Variants in IGSF10 observed in about 807,000 individuals in gnomAD.
IGSF10 encodes the protein immunoglobulin superfamily member 10.
Under a neutral mutation model 128.2 loss-of-function variants are expected in IGSF10, and 126 were observed. That is an observed-to-expected ratio of 0.98 (90% CI 0.85 to 1.14). The LOEUF (loss-of-function observed/expected upper bound fraction) is 1.14, where lower values mean the gene tolerates loss of function less well. Among genes scored for constraint, IGSF10 ranks in the 50% most tolerant of loss-of-function variants. The probability of loss-of-function intolerance (pLI) is 0.00; values close to 1 mark genes in which losing one functional copy is unlikely to be tolerated. For missense variants in IGSF10, 3,295 were observed against 3,149.8 expected (o/e 1.05, Z -1.10); for synonymous variants, 1,185 against 1,146.2 (o/e 1.03, Z -0.68).
At chr3:151,550,613 CT>C in the IGSF10 span, among the ~76,000 whole-genome samples, 1 of 151,966 alleles carries the variant, frequency 6.6e-6, no homozygotes, top group Non-Finnish European at 1.5e-5. Flanking sequence ...CCAACTAGAT[CT>C]TTTTTTTAGG....
rs762486476 is a variant in IGSF10 at position 151,445,188 on chromosome 3, G to A, written c.4793C>T (p.Thr1598Ile). The change falls in exon 6 of 8, where the codon ACA (threonine) becomes ATA (isoleucine). Residue 1598 changes from threonine (T) to isoleucine (I), a missense_variant. Coordinates refer to ENST00000282466, the MANE Select transcript of IGSF10 (RefSeq NM_178822.5). ...KKPEVSMLAT[T>I]GLSEATTLVS... ...AAGAGTGGTGGCCTCGGACAGGCCTGTAGTAGCCAACATGCTTACTTCTGG... is the reference window on the plus strand; with the variant it reads ...AAGAGTGGTGGCCTCGGACAGGCCTATAGTAGCCAACATGCTTACTTCTGG... The A allele has an allele frequency of 3.1e-6, 5 of 1,614,264 alleles. No homozygotes were observed. The highest frequency in any genetic ancestry group is 4.2e-6 in the Non-Finnish European group (5 of 1,180,048).
Position 151,445,620 on chromosome 3 carries a change from T to C in IGSF10, c.4361A>G (p.Lys1454Arg). The change falls in exon 6 of 8, where the codon AAA (lysine) becomes AGA (arginine). Residue 1454 changes from lysine (K) to arginine (R), a missense_variant. Coordinates refer to ENST00000282466, the MANE Select transcript of IGSF10 (RefSeq NM_178822.5). ...SKSHQSTTTR[K>R]AIIRHSTIPP... ...TATGGTTGAGTGTCTAATGATTGCT[T>C]TCCTAGTTGTGGTACTCTGGTGTGA... is the stretch of plus-strand genomic sequence containing the variant. 6.2e-7 allele frequency: 1 copy of C among 1,614,236 alleles called. No homozygotes were observed. The highest frequency in any genetic ancestry group is 8.5e-7 in the Non-Finnish European group (1 of 1,180,042).
the IGSF10 span, among the ~76,000 whole-genome samples, chr3:151,546,444 C>A: frequency 7.2e-5 from 11 of 152,034 alleles, no homozygotes; most frequent in Non-Finnish European, 1.6e-4. Flanking sequence ...ACCCTCAGGG[C>A]TCAAGCGATC....
chr3:151,535,706 G>T, the IGSF10 span, among the ~76,000 whole-genome samples: 1 of 152,130 alleles, frequency 6.6e-6, no homozygotes, highest in African/African-American at 2.4e-5. Context: ...AATAGTGCAA[G>T]TCAGGAAATC....
chr3:151,533,642 C>A, the IGSF10 span, among the ~76,000 whole-genome samples: 1 of 152,106 alleles, frequency 6.6e-6, no homozygotes, highest in Non-Finnish European at 1.5e-5. Flanking sequence ...ACACCTTATA[C>A]AAAAATTAAC....
the IGSF10 span, among the ~76,000 whole-genome samples, chr3:151,476,676 C>A: frequency 6.6e-6 from 1 of 152,176 alleles, no homozygotes; most frequent in African/African-American, 2.4e-5. Flanking sequence ...CAGGGAGAAT[C>A]TTACACTCAC....
chr3:151,596,633 G>A, the IGSF10 span, among the ~76,000 whole-genome samples: 3 of 152,046 alleles, frequency 2.0e-5, no homozygotes, highest in African/African-American at 4.8e-5. Flanking sequence ...AATCCCTAAG[G>A]TATCTTGTAA....
chr3:151,468,352 G>C, the IGSF10 span, among the ~76,000 whole-genome samples: 1 of 152,130 alleles, frequency 6.6e-6, no homozygotes, highest in Non-Finnish European at 1.5e-5. Flanking sequence ...AATCACAACC[G>C]AGAGATCCTA....
chr3:151,558,024 T>TATTATATATAATAG, the IGSF10 span, among the ~76,000 whole-genome samples: 1 of 31,044 alleles, frequency 3.2e-5, no homozygotes, highest in Admixed American at 4.9e-4. Flanking sequence ...ATATAATATA[T>TATTATATATAATAG]ATATTGGTAC....
the IGSF10 span, among the ~76,000 whole-genome samples, chr3:151,517,701 T>C: frequency 0.52 from 78,836 of 151,706 alleles, 21,178 homozygotes; most frequent in East Asian, 0.73. Flanking sequence ...TAAACAAAGT[T>C]ATGGGAGGCC....
At chr3:151,457,281 A>G in intron 3 of IGSF10, 126 bp from the exon 4 acceptor site, 1 of 879,320 alleles carries the variant, frequency 1.1e-6, no homozygotes, top group Admixed American at 2.8e-5. Flanking sequence ...TGAGACAATC[A>G]AATGCTTCAA....
At chr3:151,614,786 C>T in the IGSF10 span, among the ~76,000 whole-genome samples, 1 of 150,346 alleles carries the variant, frequency 6.7e-6, no homozygotes, top group East Asian at 2.0e-4. Flanking sequence ...CAAACCTGCA[C>T]GTTGTGCACA....
chr3:151,440,267 C>T (rs935059971), intron 7 of IGSF10, among the ~76,000 whole-genome samples: 2 of 152,110 alleles, frequency 1.3e-5, no homozygotes, highest in East Asian at 1.9e-4. Flanking sequence ...TGGGTTCCAG[C>T]GATCCTCCCG....
At chr3:151,536,484 C>A in the IGSF10 span, among the ~76,000 whole-genome samples, 246 of 152,222 alleles carry the variant, frequency 1.6e-3, no homozygotes, top group African/African-American at 5.9e-3. Context: ...AATTGAGCAT[C>A]CTGTATTTTA....
the IGSF10 span, among the ~76,000 whole-genome samples, chr3:151,605,567 A>G: frequency 2.0e-5 from 3 of 152,344 alleles, no homozygotes; most frequent in South Asian, 6.2e-4. Context: ...TAATTTAAAC[A>G]TTCTGATGAA....
At chr3:151,592,646 C>G in the IGSF10 span, among the ~76,000 whole-genome samples, 2 of 152,176 alleles carry the variant, frequency 1.3e-5, no homozygotes, top group African/African-American at 4.8e-5. Flanking sequence ...ACTGCAAATA[C>G]AACCCTGAGA....
Position 151,445,479 on chromosome 3 carries a change from G to T in IGSF10, c.4502C>A (p.Thr1501Lys). ...TGAGGATTCGTGCAGCTTGACCACT[G>T]TATTTGTCATAAGCCCGGAAATGGG... ...ATPISGLMTNTVVKLHESSRH... is the reference protein window; with the variant it reads ...ATPISGLMTNKVVKLHESSRH... The change falls in exon 6 of 8, where the codon ACA becomes AAA. Residue 1501 changes from threonine to lysine, a missense_variant. Coordinates refer to ENST00000282466, the MANE Select transcript of IGSF10 (RefSeq NM_178822.5). 4 of 1,614,160 alleles carry T rather than the reference G, an allele frequency of 2.5e-6. No individual in the cohort carries two copies. The highest frequency in any genetic ancestry group is 3.4e-6 in the Non-Finnish European group (4 of 1,180,026).
chr3:151,583,172 T>G, the IGSF10 span, among the ~76,000 whole-genome samples: 3 of 151,938 alleles, frequency 2.0e-5, no homozygotes, highest in Non-Finnish European at 4.4e-5. Flanking sequence ...TTCTTTATTA[T>G]TTATTCTCTT....
the IGSF10 span, among the ~76,000 whole-genome samples, chr3:151,529,046 G>C: frequency 6.6e-6 from 1 of 152,030 alleles, no homozygotes; most frequent in Non-Finnish European, 1.5e-5. Flanking sequence ...CTGAGGCTTG[G>C]GTAGGCAATT....
Sources: gnomAD v4.1 joint callset for allele counts (sites outside exome capture counted in the v4.1 genomes callset) on GRCh38, gnomAD v4.1.1 for gene constraint, MANE v1.5 for transcripts, NCBI Gene and HGNC (gene_info 2026-07-23, HGNC 2026-07-21) for gene names.